The following VIT variants were observed in gnomAD, a reference collection of about 807,000 sequenced individuals.
VIT encodes the protein vitrin.
In VIT, 99 loss-of-function variants were observed where a neutral mutation model predicts 78.0. The observed-to-expected ratio is 1.27, with a 90% CI of 1.08 to 1.50. The LOEUF (loss-of-function observed/expected upper bound fraction) is 1.50, where lower values mean the gene tolerates loss of function less well. VIT is among the 40% of genes most tolerant of loss of function. VIT has a pLI of 0.00. For missense variants in VIT, 1,126 were observed against 875.3 expected (o/e 1.29, Z -3.61); for synonymous variants, 374 against 334.3 (o/e 1.12, Z -1.29).
chr2:36,787,732 C>T lies in VIT; in HGVS notation c.1058+456C>T, dbSNP rs148279266. The T allele has an allele frequency of 1.2e-4, 52 of 416,292 alleles. 2 individuals carry two copies. Among genetic ancestry groups the T allele is most frequent in the South Asian group, 4.6e-4 (26 of 56,758 alleles). 25.8% of individuals were successfully genotyped at this position (416,292 alleles called of 1,614,324 possible). Reference sequence around the variant, plus strand: ...ACAACCTATCCACCTATAGGTTAGACGCCTAGAGAACATGGTGCTTTAGGT... The same window carrying T: ...ACAACCTATCCACCTATAGGTTAGATGCCTAGAGAACATGGTGCTTTAGGT... On this transcript the variant is annotated intron_variant, in intron 12 of 15. Coordinates refer to ENST00000379242, the MANE Select transcript of VIT (RefSeq NM_053276.4).
chr2:36,779,944 G>A (rs1433698891), intron 9 of VIT, among the ~76,000 whole-genome samples: 1 of 152,220 alleles, frequency 6.6e-6, no homozygotes, highest in Admixed American at 6.5e-5. Flanking sequence ...TGGAAAGAAA[G>A]TAAGTGAGCC....
intron 1 of VIT, among the ~76,000 whole-genome samples, chr2:36,713,093 G>A (rs976850719): frequency 6.6e-5 from 10 of 152,212 alleles, no homozygotes; most frequent in African/African-American, 2.4e-4. Flanking sequence ...GAAGTGATAA[G>A]TCAATGGAGA....
chr2:36,800,085 G>A (rs955898086), intron 12 of VIT, among the ~76,000 whole-genome samples: 20 of 151,354 alleles, frequency 1.3e-4, no homozygotes, highest in Middle Eastern at 3.4e-3. Context: ...GGTGGCTCAC[G>A]CCTGTAATCC....
intron 1 of VIT, among the ~76,000 whole-genome samples, chr2:36,714,146 G>C (rs1489920958): frequency 6.6e-6 from 1 of 152,142 alleles, no homozygotes; most frequent in African/African-American, 2.4e-5. Flanking sequence ...GGTTACTCTT[G>C]CTGCTTAATT....
At chr2:36,808,256 C>A (rs930435574) in intron 14 of VIT, among the ~76,000 whole-genome samples, 1 of 152,220 alleles carries the variant, frequency 6.6e-6, no homozygotes, top group African/African-American at 2.4e-5. Flanking sequence ...GGCAGGGACT[C>A]AGCTGAGGGA....
chr2:36,764,528 G>T (rs1669304250), intron 6 of VIT, among the ~76,000 whole-genome samples: 1 of 152,234 alleles, frequency 6.6e-6, no homozygotes, highest in African/African-American at 2.4e-5. Context: ...GCTTGAAGGA[G>T]GCTGCTGTGA....
chr2:36,811,445 C>G (rs552680985), intron 15 of VIT, among the ~76,000 whole-genome samples: 9 of 152,294 alleles, frequency 5.9e-5, no homozygotes, highest in African/African-American at 2.2e-4. Flanking sequence ...GCTGTCAGCG[C>G]AGCCTTAATG....
intron 1 of VIT, among the ~76,000 whole-genome samples, chr2:36,698,418 CAGGA>C (rs1664804923): frequency 6.6e-6 from 1 of 152,160 alleles, no homozygotes; most frequent in African/African-American, 2.4e-5. Context: ...ACATTGAATA[CAGGA>C]AAGCAGTATG....
chr2:36,724,467 A>G (rs1666714439), intron 2 of VIT, among the ~76,000 whole-genome samples: 1 of 152,122 alleles, frequency 6.6e-6, no homozygotes, highest in Non-Finnish European at 1.5e-5. Context: ...AAACGAACAC[A>G]AGACTGATTT....
At chr2:36,735,361 T>C (rs1031046768) in intron 3 of VIT, among the ~76,000 whole-genome samples, 5 of 152,328 alleles carry the variant, frequency 3.3e-5, no homozygotes, top group Non-Finnish European at 5.9e-5. Context: ...CCCACCATAT[T>C]TGGCTTATCA....
chr2:36,806,884 T>G (rs1185814606), intron 14 of VIT, among the ~76,000 whole-genome samples: 1 of 152,154 alleles, frequency 6.6e-6, no homozygotes. Context: ...TCTTGAGCTC[T>G]GTAGCCATCC....
chr2:36,771,002 A>G (rs1177357274), intron 7 of VIT, among the ~76,000 whole-genome samples: 1 of 152,256 alleles, frequency 6.6e-6, no homozygotes, highest in Non-Finnish European at 1.5e-5. Context: ...GCAGGAAGAG[A>G]GGCCAGCATC....
At chr2:36,765,275 A>G (rs1180796101) in intron 6 of VIT, among the ~76,000 whole-genome samples, 7 of 152,158 alleles carry the variant, frequency 4.6e-5, no homozygotes, top group Admixed American at 3.3e-4. Flanking sequence ...TCACACTGCT[A>G]TAAAGACACT....
intron 2 of VIT, among the ~76,000 whole-genome samples, chr2:36,721,836 T>C (rs982210100): frequency 6.6e-6 from 1 of 152,206 alleles, no homozygotes; most frequent in Admixed American, 6.5e-5. Context: ...CCCCTTTAGG[T>C]TGGGCCATCT....
chr2:36,711,602 T>G (rs1350572688), intron 1 of VIT, among the ~76,000 whole-genome samples: 3 of 152,204 alleles, frequency 2.0e-5, no homozygotes, highest in African/African-American at 7.2e-5. Context: ...AGAACAAGTT[T>G]GTATTTACTC....
intron 14 of VIT, among the ~76,000 whole-genome samples, chr2:36,806,462 A>T (rs76914362): frequency 0.014 from 2,060 of 150,716 alleles, 49 homozygotes; most frequent in African/African-American, 0.048. Flanking sequence ...TCTACCCTCA[A>T]TGTTGACCTC....
At chr2:36,719,215 G>A (rs1666343148) in intron 2 of VIT, among the ~76,000 whole-genome samples, 1 of 152,162 alleles carries the variant, frequency 6.6e-6, no homozygotes, top group Non-Finnish European at 1.5e-5. Flanking sequence ...AGGTATGACA[G>A]GGCCACAGCT....
At chr2:36,699,584 T>TTATATATATATATATAGA (rs60414565) in intron 1 of VIT, among the ~76,000 whole-genome samples, 1 of 83,624 alleles carries the variant, frequency 1.2e-5, no homozygotes, top group South Asian at 4.4e-4. Context: ...TTAGAGGAGA[T>TTATATATATATATATAGA]TATAGATATA....
At chr2:36,714,876 T>G (rs1666027631) in intron 1 of VIT, among the ~76,000 whole-genome samples, 1 of 152,198 alleles carries the variant, frequency 6.6e-6, no homozygotes, top group African/African-American at 2.4e-5. Flanking sequence ...CAGAATATAC[T>G]CAATTAATAG....
Sources: allele counts gnomAD v4.1 joint callset (sites outside exome capture counted in the v4.1 genomes callset), GRCh38; gene constraint gnomAD v4.1.1; transcripts MANE v1.5; gene names NCBI Gene and HGNC (gene_info 2026-07-23, HGNC 2026-07-21).